ERICH5: variants seen among roughly 807,000 people sequenced by gnomAD.
ERICH5 encodes glutamate-rich protein 5.
In ERICH5, 24 loss-of-function variants were observed where a neutral mutation model predicts 28.0. That is an observed-to-expected ratio of 0.86 (90% CI 0.62 to 1.21). The LOEUF (loss-of-function observed/expected upper bound fraction) is 1.21, where lower values mean the gene tolerates loss of function less well. Among genes scored for constraint, ERICH5 ranks in the 50% most tolerant of loss-of-function variants. ERICH5 has a pLI of 0.00. For missense variants in ERICH5, 421 were observed against 441.2 expected, an observed-to-expected ratio of 0.95 and a Z score of 0.41; for synonymous variants, 163 against 157.6, an observed-to-expected ratio of 1.03 and a Z score of -0.25.
At position 98,089,810 on chromosome 8, in the gene ERICH5, A is replaced by T; in HGVS notation, c.793A>T (p.Asn265Tyr). The change falls in exon 2 of 3, where the codon AAT becomes TAT. Residue 265 changes from asparagine to tyrosine, a missense_variant. Coordinates refer to ENST00000318528, the MANE Select transcript of ERICH5 (RefSeq NM_173549.3). ...GCTTCTAGAAAGAATTCCCAAAGAGAATGTAACACCAGAAGTATTGGACAG... is the reference window on the plus strand; with the variant it reads ...GCTTCTAGAAAGAATTCCCAAAGAGTATGTAACACCAGAAGTATTGGACAG... ...PQLLERIPKENVTPEVLDRSQ... is the reference protein window; with the variant it reads ...PQLLERIPKEYVTPEVLDRSQ... The T allele has an allele frequency of 6.2e-7, 1 of 1,614,160 alleles. No individual in the cohort carries two copies. Among genetic ancestry groups the T allele is most frequent in the East Asian group, 2.2e-5 (1 of 44,894 alleles).
intron 1 of ERICH5, among the ~76,000 whole-genome samples, chr8:98,070,916 G>A (rs539629745): frequency 6.6e-6 from 1 of 151,992 alleles, no homozygotes; most frequent in Admixed American, 6.6e-5. Flanking sequence ...GAGCCTCCTA[G>A]CTATGCAGGA....
chr8:98,088,103 T>TTATA (rs35330907), intron 1 of ERICH5, among the ~76,000 whole-genome samples: 53 of 150,692 alleles, frequency 3.5e-4, no homozygotes, highest in South Asian at 1.0e-3. Flanking sequence ...AATATTGGGA[T>TTATA]TATATATATA....
chr8:98,081,228 C>T (rs1004301611), intron 1 of ERICH5, among the ~76,000 whole-genome samples: 2 of 151,948 alleles, frequency 1.3e-5, no homozygotes, highest in African/African-American at 4.8e-5. Context: ...ATCTCGGCCT[C>T]CTGAGTAGCT....
intron 1 of ERICH5, among the ~76,000 whole-genome samples, chr8:98,082,645 C>CA (rs34955015): frequency 0.56 from 71,425 of 127,618 alleles, 19,348 homozygotes; most frequent in Middle Eastern, 0.65. Flanking sequence ...AACTCCATCT[C>CA]AAAAAAAAAA....
intron 1 of ERICH5, among the ~76,000 whole-genome samples, chr8:98,079,244 C>G (rs929934403): frequency 1.4e-5 from 2 of 142,132 alleles, no homozygotes; most frequent in Non-Finnish European, 3.0e-5. Context: ...AATCATGGCT[C>G]ACTGCATCCT....
In ERICH5 at chr8:98,093,347, C is replaced by T. The variant is rs757894758; in HGVS notation, c.*14C>T. The stretch of plus-strand genomic sequence containing the variant: ...GCAGCCACATAGATAGAAGAGTGAA[C>T]CGACACAGTGTGTTATCATAGAGGA... On this transcript the variant is annotated 3_prime_UTR_variant, in exon 3 of 3. Transcript: ENST00000318528. 18 of 1,572,754 alleles carry T rather than the reference C, an allele frequency of 1.1e-5. No individual in the cohort carries two copies. Among genetic ancestry groups the T allele is most frequent in the Non-Finnish European group, 1.6e-5 (18 of 1,143,790 alleles).
intron 1 of ERICH5, among the ~76,000 whole-genome samples, chr8:98,070,676 A>G (rs1437413007): frequency 4.1e-5 from 6 of 146,026 alleles, no homozygotes; most frequent in Non-Finnish European, 6.0e-5. Context: ...AAAAAAAAAA[A>G]AAAAAAGAAA....
chr8:98,072,052 C>G (rs1269725491), intron 1 of ERICH5, among the ~76,000 whole-genome samples: 1 of 151,950 alleles, frequency 6.6e-6, no homozygotes, highest in Non-Finnish European at 1.5e-5. Context: ...GTGCCCAGCC[C>G]CACATGGTTT....
Position 98,089,745 on chromosome 8 carries a change from A to G in ERICH5, c.728A>G (p.Gln243Arg), listed in dbSNP as rs144040008. Residue 243 changes from glutamine (Q) to arginine (R), a missense_variant, in exon 2 of 3, where the codon CAG becomes CGG. Physicochemically the swap from Gln to Arg is conservative, Grantham distance 43. Transcript: ENST00000318528. Reference sequence around the variant, plus strand: ...CAGTTTGTGGAAACAGCTGAAGAGCAGCAACTTCAGGCAACATTGGGAAAA... The same window carrying G: ...CAGTTTGTGGAAACAGCTGAAGAGCGGCAACTTCAGGCAACATTGGGAAAA... Reference protein sequence around the residue: ...GSQFVETAEEQQLQATLGKEE... With the variant: ...GSQFVETAEERQLQATLGKEE... 338 of 1,614,102 alleles carry G rather than the reference A, an allele frequency of 2.1e-4. No individual in the cohort carries two copies. The highest frequency in any genetic ancestry group is 2.7e-4 in the Non-Finnish European group (316 of 1,180,034).
At chr8:98,084,412 C>T (rs114678074) in intron 1 of ERICH5, among the ~76,000 whole-genome samples, 2,108 of 152,162 alleles carry the variant, frequency 0.014, 35 homozygotes, top group African/African-American at 0.047. Flanking sequence ...GTCGAAGTCT[C>T]GCTCTTGTCC....
chr8:98,065,725 C>T (rs917167707), intron 1 of ERICH5, among the ~76,000 whole-genome samples: 32 of 152,206 alleles, frequency 2.1e-4, no homozygotes, highest in African/African-American at 6.0e-4. Flanking sequence ...GGAGGTTAAG[C>T]AAACTCCGTC....
At chr8:98,073,925 T>TG (rs1250080192) in intron 1 of ERICH5, among the ~76,000 whole-genome samples, 2 of 150,194 alleles carry the variant, frequency 1.3e-5, no homozygotes, top group Non-Finnish European at 3.0e-5. Context: ...CTTTTTCTTT[T>TG]TTTTTTTTTA....
In ERICH5 at chr8:98,075,785, CT is replaced by C. The variant is rs1296283210; in HGVS notation, c.58+11077del. Among the ~76,000 whole-genome samples, 331 of 81,656 alleles carry C rather than the reference CT, an allele frequency of 4.1e-3. 7 individuals are homozygous for C. Among genetic ancestry groups the C allele is most frequent in the South Asian group, 5.9e-3 (11 of 1,850 alleles). The allele number at this position is 81,656 out of a possible 152,430, so 53.6% of individuals were successfully genotyped here. A position where few individuals can be genotyped will look rare whatever the true frequency, so the allele number is the denominator to read the frequency against. On this transcript the variant is annotated intron_variant, in intron 1 of 2. Coordinates refer to ENST00000318528, the MANE Select transcript of ERICH5 (RefSeq NM_173549.3). Reference sequence around the variant, plus strand: ...TAACTCCCATCTCAAGCACACCTGCCTTTTTTTTTTTTTTTTTTTGAGACAG... The same window carrying C: ...TAACTCCCATCTCAAGCACACCTGCCTTTTTTTTTTTTTTTTTTGAGACAG...
At chr8:98,072,389 C>A (rs1464956130) in intron 1 of ERICH5, among the ~76,000 whole-genome samples, 1 of 152,172 alleles carries the variant, frequency 6.6e-6, no homozygotes, top group African/African-American at 2.4e-5. Context: ...GAGCACAGCA[C>A]TTTGGGAGGC....
At chr8:98,084,419 G>A (rs1815236408) in intron 1 of ERICH5, among the ~76,000 whole-genome samples, 2 of 151,958 alleles carry the variant, frequency 1.3e-5, no homozygotes, top group African/African-American at 4.8e-5. Flanking sequence ...TCTCGCTCTT[G>A]TCCCCCAGGC....
chr8:98,087,153 G>C (rs1055914309), intron 1 of ERICH5, among the ~76,000 whole-genome samples: 6 of 151,880 alleles, frequency 4.0e-5, no homozygotes, highest in African/African-American at 1.2e-4. Flanking sequence ...GATCAGCCTG[G>C]GCAACTCGAA....
chr8:98,071,384 C>T (rs1008065538), intron 1 of ERICH5, among the ~76,000 whole-genome samples: 2 of 152,154 alleles, frequency 1.3e-5, no homozygotes, highest in South Asian at 4.1e-4. Context: ...GAAAGAAACC[C>T]TGAATACGTG....
At chr8:98,091,876 C>G (rs959197516) in intron 2 of ERICH5, among the ~76,000 whole-genome samples, 1 of 91,838 alleles carries the variant, frequency 1.1e-5, no homozygotes. Flanking sequence ...TTCTTTCTTT[C>G]TTTCTTTCTT....
intron 1 of ERICH5, 151 bp from the exon 2 acceptor site, chr8:98,088,925 G>T: frequency 1.6e-6 from 1 of 620,432 alleles, no homozygotes; most frequent in Non-Finnish European, 2.8e-6. Context: ...GAGTGTTAGG[G>T]TCATGGTATG....
Sources: allele counts gnomAD v4.1 joint callset (sites outside exome capture counted in the v4.1 genomes callset), GRCh38; gene constraint gnomAD v4.1.1; transcripts MANE v1.5; gene names NCBI Gene and HGNC (gene_info 2026-07-23, HGNC 2026-07-21).